The following EDRF1 variants were observed in gnomAD, a reference collection of about 807,000 sequenced individuals.
The protein encoded by EDRF1 is erythroid differentiation-related factor 1.
A neutral mutation model predicts 148.7 loss-of-function variants in EDRF1; 69 were observed. That is an observed-to-expected ratio of 0.46 (90% CI 0.38 to 0.57). The LOEUF (loss-of-function observed/expected upper bound fraction) is 0.57, where lower values mean the gene tolerates loss of function less well. Among genes scored for constraint, EDRF1 ranks in the 20% least tolerant of loss-of-function variants. The probability of loss-of-function intolerance (pLI) is 0.00; values close to 1 mark genes in which losing one functional copy is unlikely to be tolerated. For synonymous variants in EDRF1, 515 were observed against 532.8 expected (o/e 0.97, Z 0.46); for missense variants, 1,118 against 1,478.7 (o/e 0.76, Z 4.00).
chr10:125,753,607 G>T, intron 23 of EDRF1, 87 bp from the exon 24 acceptor site: 1 of 1,404,128 alleles, frequency 7.1e-7, no homozygotes, highest in Non-Finnish European at 1.0e-6. Flanking sequence ...TGTATTGGAT[G>T]AATGAAACTG....
chr10:125,752,473 A>G (rs1049234298), intron 22 of EDRF1, among the ~76,000 whole-genome samples: 1 of 152,232 alleles, frequency 6.6e-6, no homozygotes, highest in Non-Finnish European at 1.5e-5. Flanking sequence ...ACTTGACCAC[A>G]CAACTGGTAA....
Position 125,754,092 on chromosome 10 carries a change from G to A in EDRF1, c.3545+247G>A, listed in dbSNP as rs117787327. 7.5e-4 allele frequency among the ~76,000 whole-genome samples: 114 copies of A among 151,914 alleles called. No homozygotes were observed. The East Asian group carries it at 0.012, about 16-fold the overall frequency. On this transcript the variant is annotated intron_variant, in intron 24 of 24. Transcript: ENST00000356792. ...CTAACCGGTATGGTGGCGGGCGCCT[G>A]TTAATCCTAGCTACAGGGGAGGCTG... is the stretch of plus-strand genomic sequence containing the variant.
rs776234691 is a variant in EDRF1, at chr10:125,738,031, A to G, written c.1830+42A>G. The G allele has an allele frequency of 1.9e-6, 3 of 1,569,238 alleles. No individual in the cohort carries two copies. The African/African-American group carries it at 4.1e-5, about 21-fold the overall frequency. On this transcript the variant is annotated intron_variant, in intron 14 of 24. Transcript: ENST00000356792. ...TCTTCACTTTTTTCGTAAAGTTTGT[A>G]CTTGATTATGCAAATTACACTTGTT...
In EDRF1 at chr10:125,740,729, T is replaced by G. The variant is rs112914349; in HGVS notation, c.2170+78T>G. On this transcript the variant is annotated intron_variant, in intron 16 of 24. Transcript: ENST00000356792. ...GAAGGCATCTGAATCACAGTGGAAGTTTACTCCTATTTTTCTAGTAAATCT... is the reference window on the plus strand; with the variant it reads ...GAAGGCATCTGAATCACAGTGGAAGGTTACTCCTATTTTTCTAGTAAATCT... 2.6e-3 allele frequency: 3,773 copies of G among 1,425,874 alleles called. 91 individuals carry two copies. The African/African-American group carries it at 0.047, about 18-fold the overall frequency. 88.3% of individuals were successfully genotyped at this position (1,425,874 alleles called of 1,614,324 possible).
rs1356455991 is a variant in EDRF1, at chr10:125,723,867, A to C, written c.441A>C (p.Val147=). ...GCAAGTCGCACGTGAGCATGGCAGT[A>C]CACCGCATAGGAAGGACTCTCTTAC... ...PYSKSHVSMA[V]HRIGRTLLLD... Residue 147 remains valine, a synonymous_variant, in exon 4 of 25, where the codon GTA becomes GTC. Transcript: ENST00000356792. 2 of 1,613,692 alleles carry C rather than the reference A, an allele frequency of 1.2e-6. No individual in the cohort carries two copies. Among genetic ancestry groups the C allele is most frequent in the African/African-American group, 2.7e-5 (2 of 74,898 alleles).
At position 125,763,775 on chromosome 10, in the gene EDRF1, G is replaced by A; in HGVS notation, c.*303G>A. The A allele has an allele frequency of 2.4e-6, 1 of 422,584 alleles. No homozygotes were observed. 26.2% of individuals were successfully genotyped at this position (422,584 alleles called of 1,614,324 possible). On this transcript the variant is annotated 3_prime_UTR_variant, in exon 25 of 25. Transcript: ENST00000356792. This position sits in a 1 kb window ranked among gnomAD's most constrained non-coding sequence, Gnocchi z 4.3. ...AGTTACACTTTCACGTATTTTTGAA[G>A]TATGTCAAGCTACACGGGTCTAAGA...
At chr10:125,730,258 C>T in intron 8 of EDRF1, 30 bp from the exon 9 acceptor site, 1 of 1,530,458 alleles carries the variant, frequency 6.5e-7, no homozygotes, top group Non-Finnish European at 9.1e-7. Flanking sequence ...CTTAATTAAA[C>T]CAAATAACAC....
chr10:125,747,878 A>G lies in EDRF1; in HGVS notation c.2989A>G (p.Ser997Gly). ...KAQEQIEKEV[S>G]EAMMKSLKYC... ...ACAAGAACAGATTGAGAAAGAAGTCAGTGAGGCCATGATGAAGTCCCTAAA... is the reference window on the plus strand; with the variant it reads ...ACAAGAACAGATTGAGAAAGAAGTCGGTGAGGCCATGATGAAGTCCCTAAA... Residue 997 changes from serine to glycine, a missense_variant, in exon 21 of 25, where the codon AGT becomes GGT. Ser to Gly is a moderately conservative substitution (Grantham distance 56). Around this residue, in one of 3 missense-constraint regions of EDRF1, gnomAD observed 954 missense variants for 1,241.4 expected, o/e 0.77. Coordinates refer to ENST00000356792, the MANE Select transcript of EDRF1 (RefSeq NM_001202438.2). 2 of 1,614,224 alleles carry G rather than the reference A, an allele frequency of 1.2e-6. No individual in the cohort carries two copies. Among genetic ancestry groups the G allele is most frequent in the South Asian group, 1.1e-5 (1 of 91,088 alleles).
rs752105081 is a variant in EDRF1 at position 125,747,549 on chromosome 10, A to G, written c.2828A>G (p.Tyr943Cys). The change falls in exon 20 of 25, where the codon TAT becomes TGT. Residue 943 changes from tyrosine to cysteine, a missense_variant. Transcript: ENST00000356792. ...TCTCCTTTGCAGGCTATTGATTACT[A>G]TTTGAAAGCGCTAAGGTCATTGGGA... is the stretch of plus-strand genomic sequence containing the variant. ...GLYYNKAIDY[Y>C]LKALRSLGTR... The G allele has an allele frequency of 1.2e-6, 2 of 1,614,162 alleles. No individual in the cohort carries two copies. The highest frequency in any genetic ancestry group is 1.3e-5 in the African/African-American group (1 of 75,032).
intron 18 of EDRF1, 38 bp from the exon 19 acceptor site, chr10:125,745,669 T>C (rs746650485): frequency 5.0e-6 from 8 of 1,603,154 alleles, no homozygotes; most frequent in Middle Eastern, 1.7e-4. Flanking sequence ...TACACTGATG[T>C]CTGCTTACAC....
intron 24 of EDRF1, among the ~76,000 whole-genome samples, chr10:125,756,444 G>A (rs547209003): frequency 1.6e-4 from 24 of 152,312 alleles, no homozygotes; most frequent in African/African-American, 5.5e-4. Flanking sequence ...ATGTCAGTTA[G>A]GTTAAGCGTG....
rs1440003095 is a variant in EDRF1, at chr10:125,729,376, G to C, written c.913G>C (p.Val305Leu). 6.2e-7 allele frequency: 1 copy of C among 1,613,484 alleles called. No individual in the cohort carries two copies. Among genetic ancestry groups the C allele is most frequent in the Non-Finnish European group, 8.5e-7 (1 of 1,179,596 alleles). The change falls in exon 8 of 25, where the codon GTT becomes CTT. Residue 305 changes from valine (V) to leucine (L), a missense_variant. Coordinates refer to ENST00000356792, the MANE Select transcript of EDRF1 (RefSeq NM_001202438.2). The stretch of plus-strand genomic sequence containing the variant: ...ATCACAGGGTCTTAAAAATGATTTT[G>C]TTCGGAATATTCTATGGACATTTGA... The part of the protein sequence containing the change: ...EHSQGLKNDF[V>L]RNILWTFEDI...
intron 13 of EDRF1, among the ~76,000 whole-genome samples, chr10:125,736,415 C>T (rs923143173): frequency 6.6e-6 from 1 of 152,092 alleles, no homozygotes; most frequent in Non-Finnish European, 1.5e-5. Flanking sequence ...ACAGATTTCT[C>T]CCTGTGTGGA....
At chr10:125,762,906 T>G (rs1850253582) in intron 24 of EDRF1, among the ~76,000 whole-genome samples, 1 of 152,158 alleles carries the variant, frequency 6.6e-6, no homozygotes, top group South Asian at 2.1e-4. Flanking sequence ...TTCATGGCCG[T>G]CCGTCTGTCA....
Position 125,748,022 on chromosome 10 carries a change from G to C in EDRF1, c.3123+10G>C, listed in dbSNP as rs1195601882. On this transcript the variant is annotated intron_variant, in intron 21 of 24. Coordinates refer to ENST00000356792, the MANE Select transcript of EDRF1 (RefSeq NM_001202438.2). ...CTGTCTGAGGAATCAGGTATTGTCA[G>C]TCCAAGTTAAGTACAGTGCCACATC... The C allele has an allele frequency of 6.2e-7, 1 of 1,614,122 alleles. No individual in the cohort carries two copies. The highest frequency in any genetic ancestry group is 8.5e-7 in the Non-Finnish European group (1 of 1,179,966).
At chr10:125,762,756 T>G (rs1296222823) in intron 24 of EDRF1, among the ~76,000 whole-genome samples, 3 of 152,144 alleles carry the variant, frequency 2.0e-5, no homozygotes, top group African/African-American at 7.2e-5. Flanking sequence ...TCCTAGGTAG[T>G]TCTAGCTCTA....
intron 15 of EDRF1, 86 bp downstream of exon 15, chr10:125,738,531 A>G: frequency 6.8e-7 from 1 of 1,476,648 alleles, no homozygotes; most frequent in Non-Finnish European, 9.4e-7. Flanking sequence ...CAATTAAGGC[A>G]TTAATTGAAA....
chr10:125,723,222 T>A (rs1240115480), intron 3 of EDRF1, 88 bp downstream of exon 3: 5 of 1,165,688 alleles, frequency 4.3e-6, no homozygotes, highest in Non-Finnish European at 6.5e-6. Flanking sequence ...AATATAAATG[T>A]GCAAGTCTTG....
At chr10:125,749,288 A>C in intron 21 of EDRF1, 124 bp from the exon 22 acceptor site, 1 of 1,111,992 alleles carries the variant, frequency 9.0e-7, no homozygotes, top group South Asian at 1.3e-5. Flanking sequence ...AGACCTAAAT[A>C]TAAAAGCTAA....
Sources: gnomAD v4.1 joint callset for allele counts (sites outside exome capture counted in the v4.1 genomes callset) on GRCh38, gnomAD v4.1.1 for gene constraint, gnomAD v4.1.1 regional missense constraint, Gnocchi (gnomAD v3.1) non-coding constraint, MANE v1.5 for transcripts, NCBI Gene and HGNC (gene_info 2026-07-23, HGNC 2026-07-21) for gene names.